Variants in INCENP observed in about 807,000 individuals in gnomAD.
The protein encoded by INCENP is binds and activates aurora-B and -C in vivo and in vitro.
A neutral mutation model predicts 107.3 loss-of-function variants in INCENP; 43 were observed. That is an observed-to-expected ratio of 0.40 (90% CI 0.31 to 0.52). The LOEUF (loss-of-function observed/expected upper bound fraction) is 0.52, where lower values mean the gene tolerates loss of function less well. Ranked by LOEUF, INCENP falls within the 20% of genes least tolerant of loss-of-function variation. The probability of loss-of-function intolerance (pLI) is 0.53; values close to 1 mark genes in which losing one functional copy is unlikely to be tolerated. For missense variants in INCENP, 1,089 were observed against 1,250.9 expected, an observed-to-expected ratio of 0.87 and a Z score of 1.95; for synonymous variants, 488 against 494.4, an observed-to-expected ratio of 0.99 and a Z score of 0.17.
chr11:62,144,767 G>T (rs1944199746), intron 11 of INCENP: 1 of 759,582 alleles, frequency 1.3e-6, no homozygotes, highest in Non-Finnish European at 2.4e-6. Context: ...TCAGGCCCTT[G>T]CGAGGTAGCT....
intron 4 of INCENP, among the ~76,000 whole-genome samples, chr11:62,134,853 T>C (rs548700829): frequency 2.0e-5 from 3 of 152,244 alleles, no homozygotes; most frequent in East Asian, 3.9e-4. Context: ...AGATTGAGAC[T>C]GTCTTGGCCA....
At chr11:62,145,479 G>T in intron 13 of INCENP, 150 bp from the exon 14 acceptor site, 1 of 1,293,912 alleles carries the variant, frequency 7.7e-7, no homozygotes. Context: ...TGACACTCAG[G>T]CAGGACCGGC....
chr11:62,138,123 G>A (rs550687829), intron 5 of INCENP: 56 of 584,292 alleles, frequency 9.6e-5, no homozygotes, highest in South Asian at 2.0e-4. Context: ...ACCCTGGGGC[G>A]TGGGCTCCAG....
intron 7 of INCENP, among the ~76,000 whole-genome samples, chr11:62,139,911 C>T (rs988097987): frequency 7.9e-5 from 12 of 152,062 alleles, no homozygotes; most frequent in African/African-American, 2.7e-4. Flanking sequence ...GGGAGGTGTT[C>T]GTGAGCTGGG....
Position 62,130,598 on chromosome 11 carries a change from T to C in INCENP, c.1063+8T>C. 1 of 1,605,070 alleles carries C rather than the reference T, an allele frequency of 6.2e-7. No individual in the cohort carries two copies. The highest frequency in any genetic ancestry group is 8.5e-7 in the Non-Finnish European group (1 of 1,175,230). ...CCTCTGGCCGCATCATCTGTGAGTC[T>C]GGGGGCTTGGCAGTGGCGGGTGGTC... On this transcript the variant is annotated splice_region_variant and intron_variant, in intron 4 of 18. Coordinates refer to ENST00000394818, the MANE Select transcript of INCENP (RefSeq NM_001040694.2).
chr11:62,150,040 C>T lies in INCENP; in HGVS notation c.2392-17C>T. On this transcript the variant is annotated splice_polypyrimidine_tract_variant and intron_variant, in intron 17 of 18. Transcript: ENST00000394818. ...GAATGCCATGGAGGGAACTGACGGC[C>T]ACGTTTGTTTTTGCAGTCTCCAGCT... The T allele has an allele frequency of 6.2e-7, 1 of 1,612,522 alleles. No homozygotes were observed. Among genetic ancestry groups the T allele is most frequent in the Non-Finnish European group, 8.5e-7 (1 of 1,179,082 alleles).
At chr11:62,139,262 G>T (rs907691919) in intron 7 of INCENP, among the ~76,000 whole-genome samples, 1 of 152,150 alleles carries the variant, frequency 6.6e-6, no homozygotes, top group Non-Finnish European at 1.5e-5. Context: ...GGGCTGCATC[G>T]GGGTATGGAT....
intron 14 of INCENP, 147 bp from the exon 15 acceptor site, chr11:62,146,511 T>C: frequency 8.0e-7 from 1 of 1,245,494 alleles, no homozygotes; most frequent in Non-Finnish European, 1.1e-6. Context: ...GGCAGAGCCT[T>C]GCTCGGGATG....
intron 4 of INCENP, among the ~76,000 whole-genome samples, chr11:62,137,381 G>A (rs1480853682): frequency 6.6e-6 from 1 of 152,248 alleles, no homozygotes; most frequent in Non-Finnish European, 1.5e-5. Context: ...TTTGATGATT[G>A]TTATCTAGAC....
At chr11:62,135,823 T>G (rs1475627142) in intron 4 of INCENP, among the ~76,000 whole-genome samples, 2 of 152,102 alleles carry the variant, frequency 1.3e-5, no homozygotes, top group African/African-American at 2.4e-5. Flanking sequence ...TTTTTTTTTC[T>G]TTTTGAGATG....
intron 11 of INCENP, 76 bp from the exon 12 acceptor site, chr11:62,144,905 AC>A: frequency 7.7e-7 from 1 of 1,302,476 alleles, no homozygotes; most frequent in African/African-American, 1.5e-5. Context: ...GCTGCTGGGG[AC>A]TGTGGGCAGC....
Position 62,150,150 on chromosome 11 carries a change from G to T in INCENP, c.2485G>T (p.Asp829Tyr). 6.2e-7 allele frequency: 1 copy of T among 1,614,068 alleles called. No individual in the cohort carries two copies. The highest frequency in any genetic ancestry group is 8.5e-7 in the Non-Finnish European group (1 of 1,180,026). The change falls in exon 18 of 19, where the codon GAC (aspartate) becomes TAC (tyrosine). Residue 829 changes from aspartate to tyrosine, a missense_variant. By Grantham distance (160) the Asp-to-Tyr change is radical (BLOSUM62 -3). Transcript: ENST00000394818. The stretch of plus-strand genomic sequence containing the variant: ...TAACTACGGGATGGATCTGAATAGC[G>T]ACGACTCCACCGATGATGAGGCCCA... ...PDNYGMDLNS[D>Y]DSTDDEAHPR...
chr11:62,128,670 A>C (rs1004312673), intron 2 of INCENP, 100 bp from the exon 3 acceptor site: 8 of 847,606 alleles, frequency 9.4e-6, no homozygotes, highest in Non-Finnish European at 1.4e-5. Context: ...CCCCAGCTTG[A>C]CCTGTCGCTG....
intron 15 of INCENP, 81 bp downstream of exon 15, chr11:62,146,983 C>T (rs994010678): frequency 6.4e-7 from 1 of 1,559,640 alleles, no homozygotes; most frequent in African/African-American, 1.4e-5. Flanking sequence ...GACACAGCCC[C>T]ACCTGCATGT....
chr11:62,128,504 T>G (rs924910595), intron 2 of INCENP, among the ~76,000 whole-genome samples: 1 of 152,212 alleles, frequency 6.6e-6, no homozygotes, highest in Non-Finnish European at 1.5e-5. Context: ...TCCAGTCCCT[T>G]GCCTATTCGC....
chr11:62,133,525 AC>A (rs1375614217), intron 4 of INCENP, among the ~76,000 whole-genome samples: 2 of 152,150 alleles, frequency 1.3e-5, no homozygotes, highest in Non-Finnish European at 2.9e-5. Context: ...CGTTCGAGCC[AC>A]CTCTGCATTG....
chr11:62,138,633 C>G (rs1407102145), intron 5 of INCENP, 80 bp from the exon 6 acceptor site: 1 of 1,409,464 alleles, frequency 7.1e-7, no homozygotes, highest in Non-Finnish European at 9.9e-7. Context: ...GTCCCCATCC[C>G]TGGAATGGTA....
chr11:62,138,730 C>G lies in INCENP; in HGVS notation c.1133C>G (p.Pro378Arg). The G allele has an allele frequency of 6.2e-7, 1 of 1,614,084 alleles. No individual in the cohort carries two copies. The highest frequency in any genetic ancestry group is 8.5e-7 in the Non-Finnish European group (1 of 1,180,010). Reference protein sequence around the residue: ...PQKVGSEQKEPPEEAEPVAAA... With the variant: ...PQKVGSEQKERPEEAEPVAAA... ...GTTTTCAGTTCTGAGCAGAAGGAAC[C>G]CCCCGAGGAGGCTGAGCCTGTGGCG... The change falls in exon 6 of 19, where the codon CCC becomes CGC. Residue 378 changes from proline (P) to arginine (R), a missense_variant. By Grantham distance (103) the Pro-to-Arg change is moderately radical. Coordinates refer to ENST00000394818, the MANE Select transcript of INCENP (RefSeq NM_001040694.2).
chr11:62,129,814 T>C lies in INCENP; in HGVS notation c.287T>C (p.Leu96Pro), dbSNP rs373398703. 8 of 1,609,710 alleles carry C rather than the reference T, an allele frequency of 5.0e-6. No individual in the cohort carries two copies. The African/African-American group carries it at 9.3e-5, about 19-fold the overall frequency. ...LSRRKSRSSQLSSRRLRSKDS... is the reference protein window; with the variant it reads ...LSRRKSRSSQPSSRRLRSKDS... ...CGCAGAAAGTCTCGGAGCAGCCAGC[T>C]GAGCTCCCGACGCCTCCGCAGCAAG... Residue 96 changes from leucine (L) to proline (P), a missense_variant, in exon 4 of 19, where the codon CTG becomes CCG. Physicochemically the swap from Leu to Pro is moderately conservative, Grantham distance 98. Transcript: ENST00000394818.
Sources: gnomAD v4.1 joint callset for allele counts (sites outside exome capture counted in the v4.1 genomes callset) on GRCh38, gnomAD v4.1.1 for gene constraint, MANE v1.5 for transcripts, NCBI Gene and HGNC (gene_info 2026-07-23, HGNC 2026-07-21) for gene names.